BMP2K: variants seen among roughly 807,000 people sequenced by gnomAD.
The protein encoded by BMP2K is BMP2 inducible kinase, also known as BMP-2-inducible protein kinase.
Under a neutral mutation model 116.0 loss-of-function variants are expected in BMP2K, and 74 were observed. The observed-to-expected ratio is 0.64, with a 90% CI of 0.53 to 0.77. BMP2K has a LOEUF of 0.77. Among genes scored for constraint, BMP2K ranks in the 30% least tolerant of loss-of-function variants. The pLI, the probability that BMP2K is intolerant of heterozygous loss-of-function variation, is 0.00. For synonymous variants in BMP2K, 486 were observed against 502.5 expected (o/e 0.97, Z 0.44); for missense variants, 1,365 against 1,403.6 (o/e 0.97, Z 0.44).
intron 7 of BMP2K, among the ~76,000 whole-genome samples, chr4:78,858,876 T>G (rs989785275): frequency 6.6e-6 from 1 of 151,926 alleles, no homozygotes; most frequent in Non-Finnish European, 1.5e-5. Context: ...AAATTTAGAA[T>G]TAAAAATTAT....
chr4:78,803,952 T>G (rs985153586), intron 1 of BMP2K, among the ~76,000 whole-genome samples: 1 of 152,208 alleles, frequency 6.6e-6, no homozygotes, highest in Non-Finnish European at 1.5e-5. Flanking sequence ...ATACTCTGAT[T>G]TTTTAAATTA....
intron 3 of BMP2K, among the ~76,000 whole-genome samples, chr4:78,835,485 C>T (rs1251097053): frequency 1.3e-5 from 2 of 151,750 alleles, no homozygotes; most frequent in Admixed American, 6.6e-5. Flanking sequence ...AAAAGTTAGC[C>T]GAGCGTTGTG....
At chr4:78,910,153 CAAAT>C (rs1480931535) in intron 15 of BMP2K, among the ~76,000 whole-genome samples, 2 of 152,130 alleles carry the variant, frequency 1.3e-5, no homozygotes, top group Non-Finnish European at 1.5e-5. Flanking sequence ...AATAGTGAAA[CAAAT>C]ACGTAACTGA....
intron 1 of BMP2K, among the ~76,000 whole-genome samples, chr4:78,823,899 C>G (rs1729754157): frequency 6.6e-6 from 1 of 152,052 alleles, no homozygotes; most frequent in Admixed American, 6.5e-5. Flanking sequence ...TAGATAAATT[C>G]TTTCTTTCCA....
intron 14 of BMP2K, among the ~76,000 whole-genome samples, chr4:78,880,493 A>G (rs1465754305): frequency 1.3e-5 from 2 of 152,218 alleles, no homozygotes; most frequent in Admixed American, 6.5e-5. Flanking sequence ...CTAAATTAGT[A>G]TTTTCAACTG....
intron 1 of BMP2K, among the ~76,000 whole-genome samples, chr4:78,815,156 A>G (rs543992462): frequency 4.6e-5 from 7 of 152,246 alleles, no homozygotes; most frequent in African/African-American, 1.7e-4. Context: ...TTAGACCACT[A>G]TGGTCAGTCG....
chr4:78,846,320 C>G (rs1451778354), intron 5 of BMP2K, among the ~76,000 whole-genome samples: 1 of 151,536 alleles, frequency 6.6e-6, no homozygotes, highest in East Asian at 1.9e-4. Flanking sequence ...TTTTGGTGAA[C>G]TTTATATTTC....
chr4:78,876,590 T>C (rs1403699767), intron 13 of BMP2K, among the ~76,000 whole-genome samples: 1 of 152,184 alleles, frequency 6.6e-6, no homozygotes, highest in Non-Finnish European at 1.5e-5. Flanking sequence ...AAGACCTGTT[T>C]GGTGGCAATG....
At chr4:78,893,570 A>G (rs1210798794) in intron 15 of BMP2K, among the ~76,000 whole-genome samples, 1 of 152,208 alleles carries the variant, frequency 6.6e-6, no homozygotes, top group Non-Finnish European at 1.5e-5. Flanking sequence ...TTCTTAAATA[A>G]TAAGACTTTT....
At chr4:78,851,181 GAA>G in intron 7 of BMP2K, 125 bp downstream of exon 7, 1 of 967,530 alleles carries the variant, frequency 1.0e-6, no homozygotes, top group Non-Finnish European at 1.4e-6. Flanking sequence ...CTATAGTAAA[GAA>G]AAAAACATTT....
At chr4:78,821,143 TC>T (rs1729598485) in intron 1 of BMP2K, among the ~76,000 whole-genome samples, 1 of 152,312 alleles carries the variant, frequency 6.6e-6, no homozygotes, top group Non-Finnish European at 1.5e-5. Context: ...GTTCTTTTTT[TC>T]TGTTTGCTTG....
At chr4:78,871,740 G>A in intron 11 of BMP2K, 110 bp from the exon 12 acceptor site, 1 of 604,670 alleles carries the variant, frequency 1.7e-6, no homozygotes, top group Non-Finnish European at 2.9e-6. Flanking sequence ...ATTTTGTATT[G>A]ATGTTTGGAC....
At chr4:78,799,650 G>C (rs1728471210) in intron 1 of BMP2K, among the ~76,000 whole-genome samples, 1 of 152,172 alleles carries the variant, frequency 6.6e-6, no homozygotes, top group Non-Finnish European at 1.5e-5. Flanking sequence ...AAGTACGTAA[G>C]ATGTTTGTAA....
intron 6 of BMP2K, among the ~76,000 whole-genome samples, chr4:78,848,456 T>G (rs764707834): frequency 1.3e-5 from 2 of 151,410 alleles, no homozygotes; most frequent in African/African-American, 4.8e-5. Context: ...AAGAGGTGAT[T>G]ATGGAGGTCT....
chr4:78,782,719 A>C (rs1173016783), intron 1 of BMP2K, among the ~76,000 whole-genome samples: 1 of 152,224 alleles, frequency 6.6e-6, no homozygotes, highest in African/African-American at 2.4e-5. Flanking sequence ...TTTATTCTAC[A>C]AAGGTGGCTG....
In BMP2K at chr4:78,886,996, A is replaced by G. The variant is rs184262411; in HGVS notation, c.1952-178A>G. ...GTTAAATTTGCTTTTGCAGCAACAA[A>G]TATGTATTAAATTCAGGACTACTCC... is the stretch of plus-strand genomic sequence containing the variant. On this transcript the variant is annotated intron_variant, in intron 14 of 15. Transcript: ENST00000502613. 1.4e-5 allele frequency: 7 copies of G among 503,394 alleles called. No homozygotes were observed. The Admixed American group carries it at 1.5e-4, about 10-fold the overall frequency. The allele number at this position is 503,394 out of a possible 1,614,324, so 31.2% of individuals were successfully genotyped here.
intron 3 of BMP2K, among the ~76,000 whole-genome samples, chr4:78,836,448 A>C (rs1039889338): frequency 6.6e-6 from 1 of 151,926 alleles, no homozygotes; most frequent in Non-Finnish European, 1.5e-5. Flanking sequence ...ATAATTATGC[A>C]GTATGTTTAG....
chr4:78,785,977 A>G (rs915384509), intron 1 of BMP2K, among the ~76,000 whole-genome samples: 2 of 152,052 alleles, frequency 1.3e-5, no homozygotes, highest in South Asian at 2.1e-4. Flanking sequence ...CCTGACCTGA[A>G]CCTCCAGTTC....
intron 1 of BMP2K, among the ~76,000 whole-genome samples, chr4:78,802,965 T>A (rs934118179): frequency 1.3e-5 from 2 of 152,144 alleles, no homozygotes; most frequent in Non-Finnish European, 2.9e-5. Flanking sequence ...TTCTCCTGCC[T>A]CAGCTTTCCA....
Sources: allele counts gnomAD v4.1 joint callset (sites outside exome capture counted in the v4.1 genomes callset), GRCh38; gene constraint gnomAD v4.1.1; transcripts MANE v1.5; gene names NCBI Gene and HGNC (gene_info 2026-07-23, HGNC 2026-07-21).